MN1: variants seen among roughly 807,000 people sequenced by gnomAD.
MN1 encodes the protein MN1 proto-oncogene, transcriptional regulator, also known as transcriptional activator MN1.
A neutral mutation model predicts 86.9 loss-of-function variants in MN1; 19 were observed. The ratio of observed to expected loss-of-function variants is 0.22; its 90% CI spans 0.15 to 0.32. The LOEUF is 0.32. Among genes scored for constraint, MN1 ranks in the 10% least tolerant of loss-of-function variants. MN1 has a pLI of 1.00. For missense variants in MN1, 1,841 were observed against 1,862.0 expected, an observed-to-expected ratio of 0.99 and a Z score of 0.21; for synonymous variants, 928 against 849.6, an observed-to-expected ratio of 1.09 and a Z score of -1.60.
chr22:27,766,766 G>A (rs1932872773), intron 1 of MN1, among the ~76,000 whole-genome samples: 1 of 152,126 alleles, frequency 6.6e-6, no homozygotes, highest in Admixed American at 6.5e-5. Flanking sequence ...AAGGGCAGAA[G>A]TGTGACTAGA....
At position 27,749,463 on chromosome 22, in the gene MN1, C is replaced by T. The variant is rs988674702; in HGVS notation, c.*1452G>A. On this transcript the variant is annotated 3_prime_UTR_variant, in exon 2 of 2. Transcript: ENST00000302326. ...ATCAGTTACTTCCTGTCTAACCCAC[C>T]GGGGAATCTATGTGCCCCCCACCAC... is the stretch of plus-strand genomic sequence containing the variant. 2 of 231,922 alleles carry T rather than the reference C, an allele frequency of 8.6e-6. No homozygotes were observed. Among genetic ancestry groups the T allele is most frequent in the Admixed American group, 5.6e-5 (1 of 17,710 alleles). The allele number at this position is 231,922 out of a possible 1,614,324, so 14.4% of individuals were successfully genotyped here.
chr22:27,799,617 C>T lies in MN1; in HGVS notation c.927G>A (p.Gln309=). The T allele has an allele frequency of 6.8e-6, 10 of 1,481,214 alleles. No homozygotes were observed. The highest frequency in any genetic ancestry group is 9.0e-6 in the Non-Finnish European group (10 of 1,110,752). 91.8% of individuals were successfully genotyped at this position (1,481,214 alleles called of 1,614,324 possible). Residue 309 remains glutamine (Q), a synonymous_variant, in exon 1 of 2, where the codon CAG becomes CAA. Coordinates refer to ENST00000302326, the MANE Select transcript of MN1 (RefSeq NM_002430.3). ...QQQQPQQQQQ[Q]HGVFFERFSG... Reference sequence around the variant, plus strand: ...TGAACCTCTCAAAGAACACACCATGCTGCTGCTGCTGCTGCTGGGGCTGCT... The same window carrying T: ...TGAACCTCTCAAAGAACACACCATGTTGCTGCTGCTGCTGCTGGGGCTGCT...
rs911009808 is a variant in MN1, at chr22:27,764,670, TC to T, written c.3782-13575del. Among the ~76,000 whole-genome samples, 12 of 152,168 alleles carry T rather than the reference TC, an allele frequency of 7.9e-5. 1 individual carries two copies. Among genetic ancestry groups the T allele is most frequent in the African/African-American group, 2.9e-4 (12 of 41,428 alleles). ...CACTTAATCTGTCTGTGTCTTGGTT[TC>T]CCCATCTGTGAAATGAGATCTTAGA... On this transcript the variant is annotated intron_variant, in intron 1 of 1. Coordinates refer to ENST00000302326, the MANE Select transcript of MN1 (RefSeq NM_002430.3).
At position 27,797,304 on chromosome 22, in the gene MN1, G is replaced by C; in HGVS notation, c.3240C>G (p.Gly1080=). The C allele has an allele frequency of 6.3e-7, 1 of 1,599,890 alleles. No homozygotes were observed. The highest frequency in any genetic ancestry group is 8.5e-7 in the Non-Finnish European group (1 of 1,179,270). The change falls in exon 1 of 2, where the codon GGC becomes GGG. Residue 1080 remains glycine, a synonymous_variant. Transcript: ENST00000302326. ...VKASRSPLVT[G]SPKLPPRGVG... is the part of the protein sequence containing the mutation. ...CCCCACGGGGAGGGAGTTTGGGCGAGCCGGTCACCAGGGGACTCCTGCTCG... is the reference window on the plus strand; with the variant it reads ...CCCCACGGGGAGGGAGTTTGGGCGACCCGGTCACCAGGGGACTCCTGCTCG...
chr22:27,752,448 G>A (rs1932774248), intron 1 of MN1, among the ~76,000 whole-genome samples: 1 of 152,092 alleles, frequency 6.6e-6, no homozygotes, highest in Non-Finnish European at 1.5e-5. Flanking sequence ...CATACCCTTA[G>A]TGAAACTCCC....
chr22:27,797,274 G>A lies in MN1; in HGVS notation c.3270C>T (p.Gly1090=), dbSNP rs147753551. Residue 1090 remains glycine, a synonymous_variant, in exon 1 of 2, where the codon GGC becomes GGT. Transcript: ENST00000302326. Reference sequence around the variant, plus strand: ...GCGCCTTCGGTCCGTGTTCCCCGGCGCCTACCCCACGGGGAGGGAGTTTGG... The same window carrying A: ...GCGCCTTCGGTCCGTGTTCCCCGGCACCTACCCCACGGGGAGGGAGTTTGG... ...GSPKLPPRGV[G]AGEHGPKAPP... is the part of the protein sequence containing the mutation. 5.0e-6 allele frequency: 8 copies of A among 1,592,424 alleles called. No individual in the cohort carries two copies. The East Asian group carries it at 1.6e-4, about 31-fold the overall frequency.
At position 27,797,585 on chromosome 22, in the gene MN1, C is replaced by T. The variant is rs1293691250; in HGVS notation, c.2959G>A (p.Gly987Arg). ...GQQQASGAAV[G>R]GSSAGETRGA... ...CGCGTCTCGCCTGCGGAGCTTCCCC[C>T]GACGGCTGCGCCTGACGCTTGCTGC... The change falls in exon 1 of 2, where the codon GGG (glycine) becomes AGG (arginine). Residue 987 changes from glycine to arginine, a missense_variant. Coordinates refer to ENST00000302326, the MANE Select transcript of MN1 (RefSeq NM_002430.3). 1 of 1,599,560 alleles carries T rather than the reference C, an allele frequency of 6.3e-7. No individual in the cohort carries two copies. Among genetic ancestry groups the T allele is most frequent in the Non-Finnish European group, 8.5e-7 (1 of 1,172,806 alleles).
rs770721124 is a variant in MN1 at position 27,797,017 on chromosome 22, C to T, written c.3527G>A (p.Gly1176Glu). 2 of 1,612,864 alleles carry T rather than the reference C, an allele frequency of 1.2e-6. No individual in the cohort carries two copies. The highest frequency in any genetic ancestry group is 1.1e-5 in the South Asian group (1 of 91,030). The stretch of plus-strand genomic sequence containing the variant: ...CTCACCCTTCTTGCCACCCTTCAGC[C>T]CCAGAGGCTGGTCCTCGGAGATGCT... ...QFSISEDQPL[G>E]LKGGKKGECA... The change falls in exon 1 of 2, where the codon GGG becomes GAG. Residue 1176 changes from glycine (G) to glutamate (E), a missense_variant. Coordinates refer to ENST00000302326, the MANE Select transcript of MN1 (RefSeq NM_002430.3).
At chr22:27,776,522 G>T (rs1047460260) in intron 1 of MN1, among the ~76,000 whole-genome samples, 1 of 151,826 alleles carries the variant, frequency 6.6e-6, no homozygotes, top group African/African-American at 2.4e-5. Context: ...GGCGGAGGCT[G>T]GGGGGTGGCT....
intron 1 of MN1, among the ~76,000 whole-genome samples, chr22:27,755,730 G>A (rs902755413): frequency 5.9e-5 from 9 of 152,130 alleles, no homozygotes; most frequent in East Asian, 1.9e-4. Context: ...CTGCGATCAC[G>A]AGACCCACGT....
chr22:27,778,363 ACCACCCTCCTAAATTCCGCAGGCAAAT>A (rs1362602843), intron 1 of MN1, among the ~76,000 whole-genome samples: 1 of 152,122 alleles, frequency 6.6e-6, no homozygotes. Context: ...GGCACCCAAG[ACCACCCTCCTAAATTCCGCAGGCAAAT>A]CTCTCACTGC....
At chr22:27,766,891 T>C (rs541435010) in intron 1 of MN1, among the ~76,000 whole-genome samples, 12 of 152,258 alleles carry the variant, frequency 7.9e-5, no homozygotes, top group Admixed American at 7.8e-4. Flanking sequence ...ACTATTCCTG[T>C]CATTTTTCCC....
At position 27,799,155 on chromosome 22, in the gene MN1, G is replaced by C; in HGVS notation, c.1389C>G (p.Gly463=). The change falls in exon 1 of 2, where the codon GGC becomes GGG. Residue 463 remains glycine (G), a synonymous_variant. Transcript: ENST00000302326. ...AAGCGCAGCGGTCCACTCCCGCGCTGCCCGGAAAGTCGAAGCGCGGCCTCT... is the reference window on the plus strand; with the variant it reads ...AAGCGCAGCGGTCCACTCCCGCGCTCCCCGGAAAGTCGAAGCGCGGCCTCT... ...VAKRPRFDFP[G]SAGVDRCASW... 1 of 1,606,466 alleles carries C rather than the reference G, an allele frequency of 6.2e-7. No individual in the cohort carries two copies. Among genetic ancestry groups the C allele is most frequent in the African/African-American group, 1.3e-5 (1 of 74,924 alleles).
chr22:27,763,874 G>C lies in MN1; in HGVS notation c.3782-12778C>G, dbSNP rs3819654. 3.6e-3 allele frequency among the ~76,000 whole-genome samples: 556 copies of C among 152,346 alleles called. 22 individuals are homozygous for C. The East Asian group carries it at 0.086, about 23-fold the overall frequency. On this transcript the variant is annotated intron_variant, in intron 1 of 1. Transcript: ENST00000302326. Reference sequence around the variant, plus strand: ...AAGGCAGGCCCATGTTGTGAGATCTGAGGGGAGAACTGGGGATCCTGGAAG... The same window carrying C: ...AAGGCAGGCCCATGTTGTGAGATCTCAGGGGAGAACTGGGGATCCTGGAAG...
At chr22:27,785,025 G>A (rs1274357324) in intron 1 of MN1, among the ~76,000 whole-genome samples, 2 of 147,648 alleles carry the variant, frequency 1.4e-5, no homozygotes, top group African/African-American at 2.5e-5. Context: ...TTGATCGCCG[G>A]CATCTATATA....
intron 1 of MN1, among the ~76,000 whole-genome samples, chr22:27,763,051 T>C (rs1011360126): frequency 6.6e-6 from 1 of 152,166 alleles, no homozygotes; most frequent in African/African-American, 2.4e-5. Context: ...GCTGTGATGG[T>C]GCCATTGCAC....
rs765320661 is a variant in MN1, at chr22:27,800,252, G to A, written c.292C>T (p.His98Tyr). 4 of 1,584,174 alleles carry A rather than the reference G, an allele frequency of 2.5e-6. No individual in the cohort carries two copies. In the African/African-American group the frequency reaches 5.4e-5, roughly 21 times the overall value. The change falls in exon 1 of 2, where the codon CAC becomes TAC. Residue 98 changes from histidine to tyrosine, a missense_variant. Coordinates refer to ENST00000302326, the MANE Select transcript of MN1 (RefSeq NM_002430.3). ...VHGFFGGQQP[H>Y]HGHPGSHHPH... ...TGATGACTTCCCGGGTGGCCGTGGT[G>A]AGGCTGCTGGCCGCCAAAGAAGCCG...
At chr22:27,786,842 G>GCGCACACACACACA (rs112383664) in intron 1 of MN1, among the ~76,000 whole-genome samples, 108 of 140,682 alleles carry the variant, frequency 7.7e-4, no homozygotes, top group African/African-American at 2.8e-3. Flanking sequence ...ATGCCCGTGC[G>GCGCACACACACACA]CACACACACA....
chr22:27,796,830 G>A lies in MN1; in HGVS notation c.3714C>T (p.Ser1238=), dbSNP rs1445598139. 2 of 1,612,126 alleles carry A rather than the reference G, an allele frequency of 1.2e-6. No homozygotes were observed. The highest frequency in any genetic ancestry group is 1.3e-5 in the African/African-American group (1 of 75,026). The change falls in exon 1 of 2, where the codon AGC becomes AGT. Residue 1238 remains serine, a synonymous_variant. Transcript: ENST00000302326. ...GCGCCAACGTCTTGTCGTCGTCCGC[G>A]CTGTCCACCAGGGCCTTGTCAGCGG... The part of the protein sequence containing the change: ...YMPADKALVD[S]ADDDKTLAPW...
Sources: allele counts gnomAD v4.1 joint callset (sites outside exome capture counted in the v4.1 genomes callset), GRCh38; gene constraint gnomAD v4.1.1; transcripts MANE v1.5; gene names NCBI Gene and HGNC (gene_info 2026-07-23, HGNC 2026-07-21).